GRIP1: variants seen among roughly 807,000 people sequenced by gnomAD.
GRIP1 encodes glutamate receptor interacting protein 1, also known as glutamate receptor-interacting protein 1.
Under a neutral mutation model 129.9 loss-of-function variants are expected in GRIP1, and 45 were observed. That is an observed-to-expected ratio of 0.35 (90% confidence interval 0.27 to 0.44). The LOEUF (loss-of-function observed/expected upper bound fraction) is 0.44. Among genes scored for constraint, GRIP1 ranks in the 20% least tolerant of loss-of-function variants. The pLI is 1.00. For missense variants in GRIP1, 1,196 were observed against 1,396.8 expected, an observed-to-expected ratio of 0.86 and a Z score of 2.29; for synonymous variants, 530 against 520.8, an observed-to-expected ratio of 1.02 and a Z score of -0.24.
intron 1 of GRIP1, among the ~76,000 whole-genome samples, chr12:66,632,235 CTTGCTATA>C (rs2030875004): frequency 6.6e-6 from 1 of 152,114 alleles, no homozygotes; most frequent in African/African-American, 2.4e-5. Flanking sequence ...GTATAGAACA[CTTGCTATA>C]AACAGAACTG....
chr12:66,475,388 T>TA (rs749088350), intron 7 of GRIP1, among the ~76,000 whole-genome samples: 12 of 152,036 alleles, frequency 7.9e-5, no homozygotes, highest in South Asian at 2.1e-4. Flanking sequence ...TGGGAGACTT[T>TA]AACACCGCAC....
At chr12:66,476,835 T>C (rs866477026) in intron 7 of GRIP1, among the ~76,000 whole-genome samples, 16 of 152,204 alleles carry the variant, frequency 1.1e-4, no homozygotes, top group Non-Finnish European at 7.3e-5. Context: ...CAGCCCTTCA[T>C]GCTAAAAACT....
chr12:66,526,816 C>T (rs1197824870), intron 5 of GRIP1, among the ~76,000 whole-genome samples: 3 of 151,816 alleles, frequency 2.0e-5, no homozygotes, highest in African/African-American at 7.3e-5. Context: ...CTACAATGAA[C>T]TCAAACAAAT....
At chr12:66,739,494 T>G (rs1157838699) in intron 1 of GRIP1, among the ~76,000 whole-genome samples, 2 of 152,140 alleles carry the variant, frequency 1.3e-5, no homozygotes, top group East Asian at 3.9e-4. Context: ...TCCCACAGTC[T>G]CAGTGATAGC....
chr12:66,857,167 G>A (rs1486370776), intron 1 of GRIP1, among the ~76,000 whole-genome samples: 2 of 145,960 alleles, frequency 1.4e-5, no homozygotes, highest in Non-Finnish European at 3.0e-5. Context: ...GGTGGGAACT[G>A]AACAATGAGA....
At chr12:66,491,547 T>C (rs908656682) in intron 7 of GRIP1, among the ~76,000 whole-genome samples, 1 of 152,132 alleles carries the variant, frequency 6.6e-6, no homozygotes, top group African/African-American at 2.4e-5. Context: ...TGGGTTGATC[T>C]GTGTAGCAAA....
rs141377824 is a variant in GRIP1 at position 66,689,406 on chromosome 12, T to C, written c.-419-59070A>G. The stretch of plus-strand genomic sequence containing the variant: ...GAACCAATCAAGTCAATCATTGTCA[T>C]TGTCATCATGATCATCATCAACATG... On this transcript the variant is annotated intron_variant, in intron 1 of 4. Coordinates refer to the GRIP1 transcript ENST00000538373. Among the ~76,000 whole-genome samples the C allele has an allele frequency of 1.7e-3, 257 of 152,308 alleles. 2 individuals are homozygous for C. The highest frequency in any genetic ancestry group is 5.8e-3 in the African/African-American group (241 of 41,582).
chr12:66,973,715 T>C (rs2042109098), intron 1 of GRIP1, among the ~76,000 whole-genome samples: 1 of 152,052 alleles, frequency 6.6e-6, no homozygotes, highest in Admixed American at 6.6e-5. Flanking sequence ...GACCCTAAAG[T>C]AATTTTGTAG....
At chr12:66,953,268 T>C (rs891922727) in intron 1 of GRIP1, among the ~76,000 whole-genome samples, 2 of 152,072 alleles carry the variant, frequency 1.3e-5, no homozygotes, top group African/African-American at 4.8e-5. Flanking sequence ...GCAAAGGCTA[T>C]GAAGGAAAAG....
At chr12:66,907,913 A>G (rs965865398) in intron 1 of GRIP1, among the ~76,000 whole-genome samples, 3 of 152,176 alleles carry the variant, frequency 2.0e-5, no homozygotes, top group Non-Finnish European at 4.4e-5. Context: ...AGAAGAAGAC[A>G]TGCAAAGTGA....
At chr12:66,907,585 G>A (rs1055349426) in intron 1 of GRIP1, among the ~76,000 whole-genome samples, 2 of 152,148 alleles carry the variant, frequency 1.3e-5, no homozygotes, top group East Asian at 1.9e-4. Flanking sequence ...CAGGTAAAAG[G>A]AGGAGCAAGA....
In GRIP1 at chr12:66,373,647, C is replaced by T. The variant is rs558428902; in HGVS notation, c.2779-1720G>A. On this transcript the variant is annotated intron_variant, in intron 22 of 24. Transcript: ENST00000359742. ...TTGGCACACATGTGCATATATCTAA[C>T]AACTTTGTTGAAAAAGAAATGAAAC... Among the ~76,000 whole-genome samples, 42 of 152,292 alleles carry T rather than the reference C, an allele frequency of 2.8e-4. No individual in the cohort carries two copies. The South Asian group carries it at 8.1e-3, about 29-fold the overall frequency.
chr12:66,359,486 G>T (rs1348478676), intron 23 of GRIP1, among the ~76,000 whole-genome samples: 1 of 152,208 alleles, frequency 6.6e-6, no homozygotes, highest in East Asian at 1.9e-4. Context: ...CAAAGCATTA[G>T]AGATGAGTGC....
intron 2 of GRIP1, among the ~76,000 whole-genome samples, chr12:66,578,982 C>G (rs2063256292): frequency 6.6e-6 from 1 of 152,214 alleles, no homozygotes; most frequent in Admixed American, 6.5e-5. Context: ...CCCCTGACCC[C>G]TGAGCAGCCT....
intron 9 of GRIP1, among the ~76,000 whole-genome samples, chr12:66,458,536 C>G (rs147601384): frequency 0.013 from 2,053 of 152,256 alleles, 50 homozygotes; most frequent in African/African-American, 0.046. Flanking sequence ...AGGTGCCCAC[C>G]ACCACGCCCA....
At chr12:66,682,226 A>G (rs542704715), upstream of GRIP1, among the ~76,000 whole-genome samples, 2 of 152,240 alleles carry the variant, frequency 1.3e-5, no homozygotes, top group East Asian at 3.9e-4. Flanking sequence ...ACTAGTGCCT[A>G]TCACCTTCTC....
intron 1 of GRIP1, among the ~76,000 whole-genome samples, chr12:66,777,911 T>G (rs549830067): frequency 6.6e-6 from 1 of 152,126 alleles, no homozygotes; most frequent in East Asian, 1.9e-4. Context: ...TCTCCCTCCT[T>G]CCCTCCCTCT....
chr12:66,536,209 G>A (rs1008161237), intron 4 of GRIP1, among the ~76,000 whole-genome samples: 6 of 152,098 alleles, frequency 3.9e-5, no homozygotes, highest in African/African-American at 1.4e-4. Flanking sequence ...CTGCCCTCCA[G>A]CTCATCTCCC....
At chr12:66,654,754 C>T (rs532344939) in intron 1 of GRIP1, among the ~76,000 whole-genome samples, 2 of 152,072 alleles carry the variant, frequency 1.3e-5, no homozygotes, top group East Asian at 1.9e-4. Flanking sequence ...AGGATGTCTG[C>T]GCCATTATGT....
Sources: gnomAD v4.1 joint callset for allele counts (sites outside exome capture counted in the v4.1 genomes callset) on GRCh38, gnomAD v4.1.1 for gene constraint, MANE v1.5 for transcripts, NCBI Gene and HGNC (gene_info 2026-07-23, HGNC 2026-07-21) for gene names.